Variants in HS6ST3 observed in about 807,000 individuals in gnomAD.
The protein encoded by HS6ST3 is heparan-sulfate 6-O-sulfotransferase 3.
HS6ST3 carries 12 observed loss-of-function variants against 36.7 expected under a neutral mutation model. The ratio of observed to expected loss-of-function variants is 0.33; its 90% CI spans 0.21 to 0.53. The LOEUF is 0.53. Among genes scored for constraint, HS6ST3 ranks in the 20% least tolerant of loss-of-function variants. The probability of loss-of-function intolerance (pLI) is 0.95; values close to 1 mark genes in which losing one functional copy is unlikely to be tolerated. For synonymous variants in HS6ST3, 240 were observed against 257.5 expected, an observed-to-expected ratio of 0.93 and a Z score of 0.65; for missense variants, 584 against 640.9, an observed-to-expected ratio of 0.91 and a Z score of 0.96.
At chr13:96,401,734 C>T (rs2055452464) in intron 1 of HS6ST3, among the ~76,000 whole-genome samples, 1 of 151,996 alleles carries the variant, frequency 6.6e-6, no homozygotes, top group Non-Finnish European at 1.5e-5. Context: ...CCCACCAAAC[C>T]CAGCTAATTT....
intron 1 of HS6ST3, among the ~76,000 whole-genome samples, chr13:96,494,693 G>A (rs1453978699): frequency 1.3e-5 from 2 of 151,738 alleles, no homozygotes; most frequent in Non-Finnish European, 2.9e-5. Context: ...ACACACACGA[G>A]GTAAGAGATA....
At chr13:96,491,723 A>G (rs74106481) in intron 1 of HS6ST3, among the ~76,000 whole-genome samples, 2,405 of 152,256 alleles carry the variant, frequency 0.016, 70 homozygotes, top group African/African-American at 0.054. Context: ...CAGCCCATAT[A>G]CACATGGCCT....
intron 1 of HS6ST3, among the ~76,000 whole-genome samples, chr13:96,336,242 A>T (rs2055100373): frequency 6.6e-6 from 1 of 152,188 alleles, no homozygotes; most frequent in South Asian, 2.1e-4. Context: ...TGCTCCCCAG[A>T]TTCCCATGTT....
intron 1 of HS6ST3, among the ~76,000 whole-genome samples, chr13:96,713,540 A>G (rs1875618766): frequency 6.6e-6 from 1 of 152,258 alleles, no homozygotes; most frequent in East Asian, 1.9e-4. Context: ...TTTATTTTAG[A>G]CCAGTGGAGG....
intron 1 of HS6ST3, among the ~76,000 whole-genome samples, chr13:96,336,863 A>C (rs1169904576): frequency 6.6e-6 from 1 of 152,226 alleles, no homozygotes; most frequent in Non-Finnish European, 1.5e-5. Flanking sequence ...TGGGGTTGGA[A>C]TATTATAAAA....
intron 1 of HS6ST3, among the ~76,000 whole-genome samples, chr13:96,126,951 A>G (rs942656611): frequency 4.6e-5 from 7 of 152,084 alleles, no homozygotes; most frequent in Non-Finnish European, 8.8e-5. Context: ...CTGCATCAAG[A>G]AAACTGGGCC....
At chr13:96,589,376 T>C (rs1268442187) in intron 1 of HS6ST3, among the ~76,000 whole-genome samples, 3 of 152,152 alleles carry the variant, frequency 2.0e-5, no homozygotes, top group Non-Finnish European at 4.4e-5. Context: ...ATTTCTGTTG[T>C]GTCAGTAATG....
At chr13:96,421,272 A>C (rs1420207822) in intron 1 of HS6ST3, among the ~76,000 whole-genome samples, 3 of 152,224 alleles carry the variant, frequency 2.0e-5, no homozygotes, top group Non-Finnish European at 4.4e-5. Context: ...CAGTTAAAAA[A>C]GAAGAGAGAT....
At chr13:96,345,710 G>A (rs1222673729) in intron 1 of HS6ST3, among the ~76,000 whole-genome samples, 1 of 152,118 alleles carries the variant, frequency 6.6e-6, no homozygotes, top group Non-Finnish European at 1.5e-5. Context: ...AGATGAAACT[G>A]TTCTACCTCA....
chr13:96,126,924 A>G (rs2053954879), intron 1 of HS6ST3, among the ~76,000 whole-genome samples: 1 of 152,010 alleles, frequency 6.6e-6, no homozygotes, highest in Admixed American at 6.6e-5. Flanking sequence ...TTCTCAGTAG[A>G]TGGCCTTTGT....
At position 96,090,308 on chromosome 13, in the gene HS6ST3, C is replaced by T. The variant is rs1314100756; in HGVS notation, c.-555C>T. 6.7e-6 allele frequency among the ~76,000 whole-genome samples: 1 copy of T among 149,340 alleles called. No homozygotes were observed. On this transcript the variant is annotated 5_prime_UTR_variant, in exon 1 of 2. Transcript: ENST00000376705. Reference sequence around the variant, plus strand: ...GCCGTCAGCCCTCGCGGCTCCACAGCCCCGCGACCTGCCGGCAAAGGCGCC... The same window carrying T: ...GCCGTCAGCCCTCGCGGCTCCACAGTCCCGCGACCTGCCGGCAAAGGCGCC...
chr13:96,584,705 C>T (rs1406680235), intron 1 of HS6ST3, among the ~76,000 whole-genome samples: 1 of 152,176 alleles, frequency 6.6e-6, no homozygotes, highest in East Asian at 1.9e-4. Flanking sequence ...AGAAGAGCAG[C>T]CTTGAGCTCC....
At chr13:96,772,527 C>T (rs1374944534) in intron 1 of HS6ST3, among the ~76,000 whole-genome samples, 1 of 152,106 alleles carries the variant, frequency 6.6e-6, no homozygotes, top group Non-Finnish European at 1.5e-5. Context: ...AATCAAAGAT[C>T]ATGTTGGACT....
At chr13:96,571,918 A>G (rs1397235679) in intron 1 of HS6ST3, among the ~76,000 whole-genome samples, 1 of 152,204 alleles carries the variant, frequency 6.6e-6, no homozygotes, top group East Asian at 1.9e-4. Context: ...TTAAGTCCCC[A>G]TTGCACATAC....
chr13:96,301,945 T>TAAA (rs1447950694), intron 1 of HS6ST3, among the ~76,000 whole-genome samples: 1 of 146,484 alleles, frequency 6.8e-6, no homozygotes, highest in Non-Finnish European at 1.5e-5. Context: ...ATAATAATAA[T>TAAA]TTCTAAAAGT....
intron 1 of HS6ST3, among the ~76,000 whole-genome samples, chr13:96,826,254 G>A (rs542614717): frequency 6.6e-6 from 1 of 152,220 alleles, no homozygotes; most frequent in East Asian, 1.9e-4. Flanking sequence ...AAGTGCATTA[G>A]AAGATTATAT....
intron 1 of HS6ST3, among the ~76,000 whole-genome samples, chr13:96,507,492 A>G (rs2056031212): frequency 6.6e-6 from 1 of 152,012 alleles, no homozygotes; most frequent in South Asian, 2.1e-4. Flanking sequence ...ACTCAGAATA[A>G]TAGTTTTGCT....
At chr13:96,346,717 C>T (rs1208770154) in intron 1 of HS6ST3, among the ~76,000 whole-genome samples, 1 of 152,126 alleles carries the variant, frequency 6.6e-6, no homozygotes, top group East Asian at 1.9e-4. Context: ...AATGGTGGCC[C>T]ATGAAACTGG....
chr13:96,570,032 A>G (rs536789692), intron 1 of HS6ST3, among the ~76,000 whole-genome samples: 51 of 152,312 alleles, frequency 3.3e-4, no homozygotes, highest in African/African-American at 1.2e-3. Context: ...TATAAATAAA[A>G]CTGAGACATT....
Sources: allele counts gnomAD v4.1 joint callset (sites outside exome capture counted in the v4.1 genomes callset), GRCh38; gene constraint gnomAD v4.1.1; transcripts MANE v1.5; gene names NCBI Gene and HGNC (gene_info 2026-07-23, HGNC 2026-07-21).